The following VCAN variants were observed in gnomAD, a reference collection of about 807,000 sequenced individuals.
VCAN encodes versican, also known as versican core protein.
In VCAN, 44 loss-of-function variants were observed where a neutral mutation model predicts 245.5. That is an observed-to-expected ratio of 0.18 (90% confidence interval 0.14 to 0.23). VCAN has a LOEUF of 0.23. Among genes scored for constraint, VCAN ranks in the 10% least tolerant of loss-of-function variants. VCAN has a pLI of 1.00. For synonymous variants in VCAN, 1,413 were observed against 1,437.0 expected (o/e 0.98, Z 0.38); for missense variants, 3,793 against 4,057.9 (o/e 0.93, Z 1.77).
intron 1 of VCAN, among the ~76,000 whole-genome samples, chr5:83,474,090 T>A (rs1744296174): frequency 6.6e-6 from 1 of 152,040 alleles, no homozygotes; most frequent in Non-Finnish European, 1.5e-5. Context: ...TCAAAACCCA[T>A]GACCACTTGA....
At chr5:83,503,672 C>T (rs1745400326) in intron 5 of VCAN, among the ~76,000 whole-genome samples, 1 of 152,198 alleles carries the variant, frequency 6.6e-6, no homozygotes, top group African/African-American at 2.4e-5. Context: ...TGTATCACAT[C>T]ACCCAGCAAA....
At position 83,521,022 on chromosome 5, in the gene VCAN, G is replaced by T; in HGVS notation, c.2716G>T (p.Val906Phe). 1 of 1,613,702 alleles carries T rather than the reference G, an allele frequency of 6.2e-7. No homozygotes were observed. Among genetic ancestry groups the T allele is most frequent in the Non-Finnish European group, 8.5e-7 (1 of 1,179,892 alleles). ...TLRDSTTEEK[V>F]PPITSTEGQV... ...GAGAGATTCTACAACTGAAGAAAAA[G>T]TTCCACCTATCACAAGCACTGAAGG... The change falls in exon 7 of 15, where the codon GTT (valine) becomes TTT (phenylalanine). Residue 906 changes from valine to phenylalanine, a missense_variant. Around this residue, in one of 5 missense-constraint regions of VCAN, gnomAD observed 3,182 missense variants for 3,250.3 expected, o/e 0.98. Coordinates refer to ENST00000265077, the MANE Select transcript of VCAN (RefSeq NM_004385.5).
chr5:83,572,647 T>C, intron 13 of VCAN, 87 bp downstream of exon 13: 1 of 1,538,514 alleles, frequency 6.5e-7, no homozygotes, highest in Non-Finnish European at 9.0e-7. Flanking sequence ...AATTCATTGT[T>C]TGAGACACAA....
intron 7 of VCAN, among the ~76,000 whole-genome samples, chr5:83,526,258 G>A (rs958238686): frequency 4.6e-5 from 7 of 152,218 alleles, no homozygotes; most frequent in African/African-American, 1.7e-4. Context: ...TTTTTAAAAG[G>A]TAATGTTTAT....
At position 83,538,508 on chromosome 5, in the gene VCAN, G is replaced by C; in HGVS notation, c.5505G>C (p.Gln1835His). The C allele has an allele frequency of 6.2e-7, 1 of 1,613,944 alleles. No individual in the cohort carries two copies. The highest frequency in any genetic ancestry group is 1.6e-4 in the Middle Eastern group (1 of 6,062). ...GTCCTGCCTCTGTCTTTATGGAGCA[G>C]GGCTCTGGAGAAGCTGCTGCCGACC... is the stretch of plus-strand genomic sequence containing the variant. Reference protein sequence around the residue: ...PRSPASVFMEQGSGEAAADPE... With the variant: ...PRSPASVFMEHGSGEAAADPE... Residue 1835 changes from glutamine to histidine, a missense_variant, in exon 8 of 15, where the codon CAG (glutamine) becomes CAC (histidine). Around this residue, in one of 5 missense-constraint regions of VCAN, gnomAD observed 3,182 missense variants for 3,250.3 expected, o/e 0.98. Transcript: ENST00000265077.
chr5:83,565,035 A>T (rs1017200552), intron 12 of VCAN, among the ~76,000 whole-genome samples: 3 of 152,174 alleles, frequency 2.0e-5, no homozygotes, highest in African/African-American at 7.2e-5. Flanking sequence ...GAGAGTTGGA[A>T]AGTAGGCCCT....
At chr5:83,536,942 A>G in intron 7 of VCAN, 65 bp from the exon 8 acceptor site, 1 of 1,416,540 alleles carries the variant, frequency 7.1e-7, no homozygotes, top group Non-Finnish European at 9.5e-7. Context: ...CCTTGCTATC[A>G]ATTTCTTCTG....
Position 83,542,000 on chromosome 5 carries a change from T to C in VCAN, c.8997T>C (p.Ser2999=), listed in dbSNP as rs1332045666. The change falls in exon 8 of 15, where the codon TCT becomes TCC. Residue 2999 remains serine (S), a synonymous_variant. Coordinates refer to ENST00000265077, the MANE Select transcript of VCAN (RefSeq NM_004385.5). The part of the protein sequence containing the change: ...GVVPWLSPQT[S]ERPTLSSSPE... Reference sequence around the variant, plus strand: ...TGCCTTGGCTAAGTCCACAGACTTCTGAGAGGCCCACGCTTTCTTCTTCTC... The same window carrying C: ...TGCCTTGGCTAAGTCCACAGACTTCCGAGAGGCCCACGCTTTCTTCTTCTC... 4 of 1,612,182 alleles carry C rather than the reference T, an allele frequency of 2.5e-6. No individual in the cohort carries two copies. The African/African-American group carries it at 4.0e-5, about 16-fold the overall frequency.
intron 5 of VCAN, among the ~76,000 whole-genome samples, chr5:83,507,710 C>T (rs368476513): frequency 6.6e-6 from 1 of 152,158 alleles, no homozygotes; most frequent in Non-Finnish European, 1.5e-5. Flanking sequence ...TTGGACCAAG[C>T]CTGGATTTAC....
At chr5:83,562,948 T>A (rs1747926843) in intron 12 of VCAN, among the ~76,000 whole-genome samples, 1 of 152,166 alleles carries the variant, frequency 6.6e-6, no homozygotes, top group Non-Finnish European at 1.5e-5. Flanking sequence ...AGTGCTGTTC[T>A]CAAGAGCTGG....
intron 10 of VCAN, among the ~76,000 whole-genome samples, chr5:83,548,697 G>A (rs1235359930): frequency 6.6e-6 from 1 of 152,162 alleles, no homozygotes; most frequent in Admixed American, 6.5e-5. Context: ...GTTAATGGGA[G>A]CATTTCTTGG....
Position 83,538,743 on chromosome 5 carries a change from G to A in VCAN, c.5740G>A (p.Glu1914Lys). The change falls in exon 8 of 15, where the codon GAA becomes AAA. Residue 1914 changes from glutamate (E) to lysine (K), a missense_variant. Physicochemically the swap from Glu to Lys is moderately conservative, Grantham distance 56 (BLOSUM62 1). Around this residue, in one of 5 missense-constraint regions of VCAN, gnomAD observed 3,182 missense variants for 3,250.3 expected, o/e 0.98. Coordinates refer to ENST00000265077, the MANE Select transcript of VCAN (RefSeq NM_004385.5). ...AATAGTGATTTCAGAGCGATTAGGAGAACCAAATTATGGGGCAGAAATAAG... is the reference window on the plus strand; with the variant it reads ...AATAGTGATTTCAGAGCGATTAGGAAAACCAAATTATGGGGCAGAAATAAG... Reference protein sequence around the residue: ...REIVISERLGEPNYGAEIRGF... With the variant: ...REIVISERLGKPNYGAEIRGF... The A allele has an allele frequency of 6.2e-7, 1 of 1,614,018 alleles. No individual in the cohort carries two copies. Among genetic ancestry groups the A allele is most frequent in the Non-Finnish European group, 8.5e-7 (1 of 1,179,960 alleles).
At chr5:83,495,349 G>A (rs1745126090) in intron 5 of VCAN, among the ~76,000 whole-genome samples, 1 of 152,184 alleles carries the variant, frequency 6.6e-6, no homozygotes, top group Admixed American at 6.5e-5. Flanking sequence ...TTCAAAAAGG[G>A]TGCTTAGGTG....
chr5:83,579,938 T>C (rs374447949), intron 13 of VCAN, 42 bp from the exon 14 acceptor site: 2 of 1,601,818 alleles, frequency 1.2e-6, no homozygotes, highest in Non-Finnish European at 1.7e-6. Context: ...TTAGTTGAAA[T>C]ACTTAGATTA....
intron 5 of VCAN, among the ~76,000 whole-genome samples, chr5:83,495,172 A>G (rs370000107): frequency 2.6e-5 from 4 of 152,222 alleles, no homozygotes; most frequent in Admixed American, 6.5e-5. Context: ...CTTATGTTTA[A>G]AATGAGGAGG....
rs894722516 is a variant in VCAN, at chr5:83,518,580, G to T, written c.1043-769G>T. Among the ~76,000 whole-genome samples the T allele has an allele frequency of 2.0e-5, 3 of 152,294 alleles. No individual in the cohort carries two copies. The East Asian group carries it at 5.8e-4, about 29-fold the overall frequency. ...GATCCTTAGGAGATACAAACAGAGT[G>T]TGTAGAACATAGAACAAAATGTAGA... On this transcript the variant is annotated intron_variant, in intron 6 of 14. Transcript: ENST00000265077.
Position 83,553,471 on chromosome 5 carries a change from G to C in VCAN, c.9601G>C (p.Gly3201Arg). The C allele has an allele frequency of 2.5e-6, 4 of 1,614,016 alleles. No homozygotes were observed. The highest frequency in any genetic ancestry group is 2.2e-5 in the East Asian group (1 of 44,876). The change falls in exon 11 of 15, where the codon GGT becomes CGT. Residue 3201 changes from glycine to arginine, a missense_variant. Physicochemically the swap from Gly to Arg is moderately radical, Grantham distance 125 (BLOSUM62 -2). This residue lies in a region of VCAN where 205 missense variants were observed against 321.1 expected (regional missense o/e 0.64). Coordinates refer to ENST00000265077, the MANE Select transcript of VCAN (RefSeq NM_004385.5). ...DAAERECRLQGAHLTSILSHE... is the reference protein window; with the variant it reads ...DAAERECRLQRAHLTSILSHE... The stretch of plus-strand genomic sequence containing the variant: ...AGCTGAACGGGAATGCCGTCTGCAG[G>C]GTGCCCATCTCACAAGCATCCTGTC...
chr5:83,545,675 G>A, intron 9 of VCAN, 25 bp downstream of exon 9: 1 of 1,560,638 alleles, frequency 6.4e-7, no homozygotes, highest in South Asian at 1.1e-5. Flanking sequence ...GGCTGAAAAG[G>A]TGCAGTTCTT....
At chr5:83,473,730 G>C (rs988343052) in intron 1 of VCAN, among the ~76,000 whole-genome samples, 1 of 152,210 alleles carries the variant, frequency 6.6e-6, no homozygotes, top group Non-Finnish European at 1.5e-5. Flanking sequence ...GGCGCCCCCT[G>C]ATGGAGAAGT....
Sources: gnomAD v4.1 joint callset for allele counts (sites outside exome capture counted in the v4.1 genomes callset) on GRCh38, gnomAD v4.1.1 for gene constraint, gnomAD v4.1.1 regional missense constraint, MANE v1.5 for transcripts, NCBI Gene and HGNC (gene_info 2026-07-23, HGNC 2026-07-21) for gene names.